ZNF254: variants seen among roughly 807,000 people sequenced by gnomAD.
ZNF254 encodes CTD-2017D11.1.
Under a neutral mutation model 12.4 loss-of-function variants are expected in ZNF254, and 10 were observed. The observed-to-expected ratio is 0.80, with a 90% CI of 0.50 to 1.36. The LOEUF is 1.36. Among genes scored for constraint, ZNF254 ranks in the 40% most tolerant of loss-of-function variants. The probability of loss-of-function intolerance (pLI) is 0.00; values close to 1 mark genes in which losing one functional copy is unlikely to be tolerated. For missense variants in ZNF254, 996 were observed against 763.9 expected (o/e 1.30, Z -3.58); for synonymous variants, 305 against 253.4 (o/e 1.20, Z -1.93).
chr19:24,122,484 C>G (rs772029882), intron 3 of ZNF254, among the ~76,000 whole-genome samples: 10 of 152,114 alleles, frequency 6.6e-5, no homozygotes, highest in Non-Finnish European at 1.5e-4. Flanking sequence ...TTGGGTCTCT[C>G]AAAGTGCTCA....
chr19:24,044,545 AAAAT>A (rs963787722), intron 1 of ZNF254, among the ~76,000 whole-genome samples: 11 of 144,556 alleles, frequency 7.6e-5, no homozygotes, highest in South Asian at 2.2e-4. Flanking sequence ...CTCAAAAAAA[AAAAT>A]AAATAAATAA....
intron 3 of ZNF254, among the ~76,000 whole-genome samples, chr19:24,109,703 CTT>C (rs771215979): frequency 1.9e-4 from 27 of 145,930 alleles, no homozygotes; most frequent in African/African-American, 5.9e-4. Context: ...TTTCTTTTTT[CTT>C]TTTTCTTTTC....
chr19:24,049,202 ATATATATATATAT>A lies in ZNF254; in HGVS notation c.-94+2925_-94+2937del, dbSNP rs1269751739. Among the ~76,000 whole-genome samples the A allele has an allele frequency of 7.4e-3, 454 of 61,310 alleles. 7 individuals carry two copies. Among genetic ancestry groups the A allele is most frequent in the African/African-American group, 0.033 (420 of 12,670 alleles). The allele number at this position is 61,310 out of a possible 152,430, so 40.2% of individuals were successfully genotyped here. On this transcript the variant is annotated intron_variant, in intron 2 of 4. Coordinates refer to the ZNF254 transcript ENST00000613065. ...TCTGGTTTTATATATATATATATAT[ATATATATATATAT>A]TTTTTTTTTTTTTTTAATTTATTTA...
chr19:24,105,593 A>G (rs1237286779), intron 1 of ZNF254: 1 of 239,838 alleles, frequency 4.2e-6, no homozygotes, highest in Non-Finnish European at 8.1e-6. Flanking sequence ...TGTCTGAAAA[A>G]TATAAACAAC....
intron 1 of ZNF254, among the ~76,000 whole-genome samples, chr19:24,035,923 A>C (rs986295773): frequency 6.6e-6 from 1 of 152,214 alleles, no homozygotes; most frequent in Admixed American, 6.5e-5. Context: ...GAATTTCTTT[A>C]ATCACTGCTC....
rs565972345 is a variant in ZNF254 at position 24,119,412 on chromosome 19, A to G, written c.254-6842A>G. On this transcript the variant is annotated intron_variant, in intron 3 of 3. Transcript: ENST00000357002. ...TCACCATATTGGCTAGGCTGATCTCAAAACCCTGACCTCAGGTGATCCACC... is the reference window on the plus strand; with the variant it reads ...TCACCATATTGGCTAGGCTGATCTCGAAACCCTGACCTCAGGTGATCCACC... 3.0e-3 allele frequency among the ~76,000 whole-genome samples: 449 copies of G among 152,020 alleles called. 2 individuals carry two copies. Among genetic ancestry groups the G allele is most frequent in the African/African-American group, 0.011 (436 of 41,478 alleles).
chr19:24,091,949 A>T (rs1220448031), intron 1 of ZNF254: 2 of 434,230 alleles, frequency 4.6e-6, no homozygotes, highest in African/African-American at 4.4e-5. Context: ...GCGCAATCTC[A>T]GCTCACTGCA....
At position 24,076,642 on chromosome 19, in the gene ZNF254, A is replaced by T. The variant is rs539644793; in HGVS notation, c.-93-29298A>T. On this transcript the variant is annotated intron_variant, in intron 2 of 4. Transcript: ENST00000613065. ...GATCCATTGTAAAATTATGAAAAAA[A>T]TTTATTTGAATTGCAGTGAATAAGA... is the stretch of plus-strand genomic sequence containing the variant. Among the ~76,000 whole-genome samples the T allele has an allele frequency of 9.5e-4, 144 of 152,300 alleles. 1 individual carries two copies. Among genetic ancestry groups the T allele is most frequent in the African/African-American group, 3.4e-3 (140 of 41,562 alleles).
chr19:24,060,687 C>A (rs945239173), intron 2 of ZNF254, among the ~76,000 whole-genome samples: 1 of 152,194 alleles, frequency 6.6e-6, no homozygotes, highest in Non-Finnish European at 1.5e-5. Flanking sequence ...TTATCCCAGC[C>A]CACATGGCTT....
At chr19:24,124,766 TC>T (rs1214501663) in intron 3 of ZNF254, among the ~76,000 whole-genome samples, 1 of 151,822 alleles carries the variant, frequency 6.6e-6, no homozygotes. Flanking sequence ...TCACTTTTTT[TC>T]TTTTTCTTTT....
chr19:24,041,531 G>A (rs891533971), intron 1 of ZNF254, among the ~76,000 whole-genome samples: 6 of 152,240 alleles, frequency 3.9e-5, no homozygotes, highest in African/African-American at 7.2e-5. Flanking sequence ...ATTTCTCGCC[G>A]GGCCTTAGCT....
In ZNF254 at chr19:24,129,457, A is replaced by G. The variant is rs955926840; in HGVS notation, c.*1477A>G. The G allele has an allele frequency of 1.3e-5, 2 of 152,066 alleles. No homozygotes were observed. Among genetic ancestry groups the G allele is most frequent in the Non-Finnish European group, 2.9e-5 (2 of 67,940 alleles). The allele number at this position is 152,066 out of a possible 1,614,324, so 9.4% of individuals were successfully genotyped here. Reference sequence around the variant, plus strand: ...CTATTTGGTAAGATAATGTACTGACATCTCTAGCAATCTTTTTTGCCAGTG... The same window carrying G: ...CTATTTGGTAAGATAATGTACTGACGTCTCTAGCAATCTTTTTTGCCAGTG... On this transcript the variant is annotated 3_prime_UTR_variant, in exon 4 of 4. Coordinates refer to ENST00000357002, the MANE Select transcript of ZNF254 (RefSeq NM_203282.4).
At chr19:24,093,093 CT>C (rs144844988) in intron 1 of ZNF254, among the ~76,000 whole-genome samples, 20,253 of 151,984 alleles carry the variant, frequency 0.13, 1,401 homozygotes, top group East Asian at 0.17. Context: ...ACATGTTTGT[CT>C]TCTTTTGAAA....
At chr19:24,125,369 GTAT>G (rs1200301105) in intron 3 of ZNF254, among the ~76,000 whole-genome samples, 2 of 150,428 alleles carry the variant, frequency 1.3e-5, no homozygotes, top group African/African-American at 4.9e-5. Context: ...ATTTTAATCA[GTAT>G]TATTCAGTTT....
chr19:24,121,987 A>AT (rs1974514071), intron 3 of ZNF254, among the ~76,000 whole-genome samples: 1 of 152,078 alleles, frequency 6.6e-6, no homozygotes, highest in African/African-American at 2.4e-5. Context: ...AATCTATATG[A>AT]TTTTTGTGTG....
At chr19:24,100,993 A>T (rs1286336125) in intron 1 of ZNF254, among the ~76,000 whole-genome samples, 1 of 151,788 alleles carries the variant, frequency 6.6e-6, no homozygotes, top group Non-Finnish European at 1.5e-5. Context: ...ATGCCCGGCT[A>T]ATTTTGTATT....
chr19:24,037,761 C>G (rs2145173358), intron 1 of ZNF254, among the ~76,000 whole-genome samples: 1 of 152,278 alleles, frequency 6.6e-6, no homozygotes, highest in South Asian at 2.1e-4. Flanking sequence ...AGGCATGTGC[C>G]ACCACGCCCA....
At chr19:24,086,471 A>G (rs1466063281), upstream of ZNF254, among the ~76,000 whole-genome samples, 2 of 150,452 alleles carry the variant, frequency 1.3e-5, no homozygotes, top group African/African-American at 2.4e-5. Context: ...ATGCCCAGCT[A>G]ATTTTTTTTT....
intron 1 of ZNF254, among the ~76,000 whole-genome samples, chr19:24,087,539 C>T (rs953121206): frequency 1.3e-5 from 2 of 152,286 alleles, no homozygotes; most frequent in Admixed American, 6.5e-5. Flanking sequence ...TGCGCAGTGA[C>T]TGTGCCCTGT....
Sources: gnomAD v4.1 joint callset for allele counts (sites outside exome capture counted in the v4.1 genomes callset) on GRCh38, gnomAD v4.1.1 for gene constraint, MANE v1.5 for transcripts, NCBI Gene and HGNC (gene_info 2026-07-23, HGNC 2026-07-21) for gene names.